The following MYO5B variants were observed in gnomAD, a reference collection of about 807,000 sequenced individuals.
MYO5B encodes the protein myosin VB.
MYO5B carries 143 observed loss-of-function variants against 229.3 expected under a neutral mutation model. The observed-to-expected ratio is 0.62, with a 90% CI of 0.54 to 0.72. The LOEUF (loss-of-function observed/expected upper bound fraction) is 0.72. Ranked by LOEUF, MYO5B falls within the 30% of genes least tolerant of loss-of-function variation. The pLI is 0.00. For missense variants in MYO5B, 2,321 were observed against 2,331.0 expected (o/e 1.00, Z 0.09); for synonymous variants, 918 against 885.2 (o/e 1.04, Z -0.66).
intron 34 of MYO5B, among the ~76,000 whole-genome samples, chr18:49,842,280 C>T (rs1261782742): frequency 6.6e-6 from 1 of 152,108 alleles, no homozygotes; most frequent in East Asian, 1.9e-4. Flanking sequence ...AGGCTGGAGA[C>T]ACAAATCTGA....
intron 12 of MYO5B, among the ~76,000 whole-genome samples, chr18:49,961,272 ATCTC>A (rs1244426563): frequency 6.6e-6 from 1 of 152,198 alleles, no homozygotes; most frequent in Non-Finnish European, 1.5e-5. Flanking sequence ...CTGAGAGATT[ATCTC>A]TGCTTGGATA....
At chr18:49,898,186 G>A (rs1310761697) in intron 21 of MYO5B, among the ~76,000 whole-genome samples, 1 of 152,104 alleles carries the variant, frequency 6.6e-6, no homozygotes. Context: ...ACCTAACGAT[G>A]CATTTCTCAT....
intron 1 of MYO5B, among the ~76,000 whole-genome samples, chr18:50,192,644 A>T (rs2033244046): frequency 6.6e-6 from 1 of 152,178 alleles, no homozygotes; most frequent in South Asian, 2.1e-4. Flanking sequence ...AAGAAGAGCA[A>T]TTTTGCAAGA....
intron 19 of MYO5B, 35 bp from the exon 20 acceptor site, chr18:49,904,863 G>A: frequency 6.2e-7 from 1 of 1,609,810 alleles, no homozygotes. Context: ...GTGTCAGGGA[G>A]AGAGTATTGA....
chr18:49,944,609 G>C (rs1330678318), intron 14 of MYO5B, among the ~76,000 whole-genome samples: 1 of 152,018 alleles, frequency 6.6e-6, no homozygotes, highest in East Asian at 1.9e-4. Flanking sequence ...AGGCTTACTA[G>C]ATTTTAACTT....
At chr18:49,951,096 G>A (rs974173208) in intron 14 of MYO5B, among the ~76,000 whole-genome samples, 13 of 152,198 alleles carry the variant, frequency 8.5e-5, no homozygotes, top group African/African-American at 2.9e-4. Context: ...TGGTAGGCAT[G>A]TCAAAAGAAG....
At chr18:50,121,797 T>C (rs543478674) in intron 1 of MYO5B, among the ~76,000 whole-genome samples, 2 of 152,344 alleles carry the variant, frequency 1.3e-5, no homozygotes, top group East Asian at 3.9e-4. Context: ...AGCCCAGGGA[T>C]ACCTCCAGCA....
intron 37 of MYO5B, 98 bp from the exon 38 acceptor site, chr18:49,836,983 G>A: frequency 1.7e-6 from 2 of 1,172,278 alleles, no homozygotes; most frequent in South Asian, 2.6e-5. Flanking sequence ...TGCAGCTAGT[G>A]CCATTATTTA....
At chr18:49,991,726 T>C (rs1366045269) in intron 6 of MYO5B, among the ~76,000 whole-genome samples, 1 of 152,036 alleles carries the variant, frequency 6.6e-6, no homozygotes, top group Non-Finnish European at 1.5e-5. Context: ...CTAATGTAGA[T>C]GATGAGGTGA....
chr18:49,856,914 A>G, intron 29 of MYO5B, 24 bp from the exon 30 acceptor site: 1 of 1,584,804 alleles, frequency 6.3e-7, no homozygotes, highest in Non-Finnish European at 8.7e-7. Flanking sequence ...ACAGAAAAAC[A>G]GGGTGTCCAG....
At chr18:49,940,230 T>G (rs2025299322) in intron 14 of MYO5B, among the ~76,000 whole-genome samples, 1 of 152,188 alleles carries the variant, frequency 6.6e-6, no homozygotes, top group South Asian at 2.1e-4. Context: ...GAGTATGAGC[T>G]TTTTCACATT....
chr18:50,069,041 A>G (rs1379832845), intron 1 of MYO5B, among the ~76,000 whole-genome samples: 1 of 152,120 alleles, frequency 6.6e-6, no homozygotes, highest in Admixed American at 6.5e-5. Context: ...AGGTTCTATC[A>G]TTATTTAGCA....
At chr18:50,102,337 C>T (rs72917872) in intron 1 of MYO5B, among the ~76,000 whole-genome samples, 21,900 of 151,610 alleles carry the variant, frequency 0.14, 1,677 homozygotes, top group East Asian at 0.23. Context: ...GTTCTGCATA[C>T]ATATCCTACC....
intron 1 of MYO5B, among the ~76,000 whole-genome samples, chr18:50,115,312 A>C (rs1158258326): frequency 6.6e-6 from 1 of 152,224 alleles, no homozygotes; most frequent in African/African-American, 2.4e-5. Flanking sequence ...GACAGCAGTG[A>C]GCCCTTGGCT....
chr18:49,936,420 T>C, intron 15 of MYO5B, 71 bp from the exon 16 acceptor site: 3 of 1,077,778 alleles, frequency 2.8e-6, no homozygotes, highest in Non-Finnish European at 2.8e-6. Flanking sequence ...AAAACTCATA[T>C]ATGGGTGGCG....
chr18:49,939,497 T>C lies in MYO5B; in HGVS notation c.1753-2100A>G, dbSNP rs138724857. On this transcript the variant is annotated intron_variant, in intron 14 of 39. Coordinates refer to ENST00000285039, the MANE Select transcript of MYO5B (RefSeq NM_001080467.3). The stretch of plus-strand genomic sequence containing the variant: ...AGTACAGATGCTTAAGAAAGTTGTA[T>C]TTTTGATCTGAAGAAACAACATAGA... Among the ~76,000 whole-genome samples, 581 of 152,344 alleles carry C rather than the reference T, an allele frequency of 3.8e-3. 5 individuals are homozygous for C. The highest frequency in any genetic ancestry group is 0.013 in the African/African-American group (535 of 41,584).
intron 21 of MYO5B, among the ~76,000 whole-genome samples, chr18:49,896,415 T>A (rs1251774266): frequency 1.3e-5 from 2 of 152,176 alleles, no homozygotes; most frequent in African/African-American, 4.8e-5. Flanking sequence ...CGAATGCACG[T>A]CTGTATTATC....
At chr18:50,186,805 AG>A (rs895497271) in intron 1 of MYO5B, among the ~76,000 whole-genome samples, 2 of 152,224 alleles carry the variant, frequency 1.3e-5, no homozygotes, top group Non-Finnish European at 2.9e-5. Flanking sequence ...AGGCTTAGAA[AG>A]TATCTGTTCC....
chr18:49,930,630 T>C (rs1381555667), intron 16 of MYO5B, among the ~76,000 whole-genome samples: 2 of 152,162 alleles, frequency 1.3e-5, no homozygotes, highest in South Asian at 2.1e-4. Context: ...CGGTGCCTCA[T>C]GCCTGTAATC....
Sources: gnomAD v4.1 joint callset for allele counts (sites outside exome capture counted in the v4.1 genomes callset) on GRCh38, gnomAD v4.1.1 for gene constraint, MANE v1.5 for transcripts, NCBI Gene and HGNC (gene_info 2026-07-23, HGNC 2026-07-21) for gene names.